The following FBXO33 variants were observed in gnomAD, a reference collection of about 807,000 sequenced individuals.
FBXO33 encodes F-box protein 33.
A neutral mutation model predicts 46.3 loss-of-function variants in FBXO33; 22 were observed. That is an observed-to-expected ratio of 0.48 (90% CI 0.34 to 0.68). FBXO33 has a LOEUF of 0.68. Ranked by LOEUF, FBXO33 falls within the 30% of genes least tolerant of loss-of-function variation. The probability of loss-of-function intolerance (pLI) is 0.01; values close to 1 mark genes in which losing one functional copy is unlikely to be tolerated. For synonymous variants in FBXO33, 337 were observed against 291.3 expected (o/e 1.16, Z -1.60); for missense variants, 692 against 708.8 (o/e 0.98, Z 0.27).
At chr14:39,403,909 CT>C (rs1293484457) in intron 1 of FBXO33, among the ~76,000 whole-genome samples, 1 of 151,716 alleles carries the variant, frequency 6.6e-6, no homozygotes, top group Non-Finnish European at 1.5e-5. Flanking sequence ...TTAAGTGATC[CT>C]TCCAGCTCAG....
chr14:39,415,518 A>G (rs773594310), intron 1 of FBXO33, among the ~76,000 whole-genome samples: 39 of 152,210 alleles, frequency 2.6e-4, no homozygotes, highest in Non-Finnish European at 5.1e-4. Flanking sequence ...ACCATGTGGT[A>G]TATATAATAG....
chr14:39,416,193 G>A (rs901493368), intron 1 of FBXO33, among the ~76,000 whole-genome samples: 1 of 151,880 alleles, frequency 6.6e-6, no homozygotes, highest in African/African-American at 2.4e-5. Flanking sequence ...CTGTTTATCT[G>A]GTAAAATCTT....
At chr14:39,410,238 A>G (rs758417567) in intron 1 of FBXO33, among the ~76,000 whole-genome samples, 7 of 152,294 alleles carry the variant, frequency 4.6e-5, no homozygotes, top group Middle Eastern at 3.4e-3. Flanking sequence ...TTTGAGTGCT[A>G]TATCATGAAA....
At position 39,428,228 on chromosome 14, in the gene FBXO33, C is replaced by T. The variant is rs547448556; in HGVS notation, c.599+3336G>A. Among the ~76,000 whole-genome samples the T allele has an allele frequency of 3.3e-5, 5 of 151,960 alleles. No homozygotes were observed. In the South Asian group the frequency reaches 6.2e-4, roughly 19 times the overall value. ...TTTTTTTTTAAATTTTTTTTTGAGA[C>T]GGAGTCTGGCTCTGTCACCCAGGAT... On this transcript the variant is annotated intron_variant, in intron 1 of 3. Transcript: ENST00000298097.
intron 1 of FBXO33, among the ~76,000 whole-genome samples, chr14:39,416,782 C>T (rs372731072): frequency 2.1e-4 from 32 of 152,178 alleles, no homozygotes; most frequent in East Asian, 9.7e-4. Context: ...ACTCAGTGAG[C>T]TTCTTTAAGA....
At position 39,418,729 on chromosome 14, in the gene FBXO33, C is replaced by T. The variant is rs529875641; in HGVS notation, c.599+12835G>A. ...GGCAGAGGTTGCAGTGAGCCGAGATCGCGCCACTGCACTCCAGCCTGGGTG... is the reference window on the plus strand; with the variant it reads ...GGCAGAGGTTGCAGTGAGCCGAGATTGCGCCACTGCACTCCAGCCTGGGTG... On this transcript the variant is annotated intron_variant, in intron 1 of 3. Transcript: ENST00000298097. Among the ~76,000 whole-genome samples the T allele has an allele frequency of 8.7e-5, 13 of 148,794 alleles. No individual in the cohort carries two copies. The South Asian group carries it at 1.5e-3, about 17-fold the overall frequency.
At chr14:39,403,908 C>T (rs1567072894) in intron 1 of FBXO33, among the ~76,000 whole-genome samples, 1 of 151,424 alleles carries the variant, frequency 6.6e-6, no homozygotes, top group East Asian at 1.9e-4. Flanking sequence ...CTTAAGTGAT[C>T]CTTCCAGCTC....
In FBXO33 at chr14:39,431,608, G is replaced by A; in HGVS notation, c.555C>T (p.Tyr185=). 1 of 1,613,510 alleles carries A rather than the reference G, an allele frequency of 6.2e-7. No homozygotes were observed. Among genetic ancestry groups the A allele is most frequent in the Non-Finnish European group, 8.5e-7 (1 of 1,180,020 alleles). The change falls in exon 1 of 4, where the codon TAC becomes TAT. Residue 185 remains tyrosine (Y), a synonymous_variant. Coordinates refer to ENST00000298097, the MANE Select transcript of FBXO33 (RefSeq NM_203301.4). ...SARWLEVLRT[Y]LELVLCVLVS... is the part of the protein sequence containing the mutation. ...CCAGCACGCAAAGCACCAGCTCCAA[G>A]TAGGTGCGCAGCACTTCCAGCCAAC...
In FBXO33 at chr14:39,401,752, T is replaced by G; in HGVS notation, c.820A>C (p.Asn274His). The change falls in exon 3 of 4, where the codon AAT (asparagine) becomes CAT (histidine). Residue 274 changes from asparagine (N) to histidine (H), a missense_variant. By Grantham distance (68) the Asn-to-His change is moderately conservative. Around this residue, in one of 3 missense-constraint regions of FBXO33, gnomAD observed 412 missense variants for 370.8 expected, o/e 1.11. Transcript: ENST00000298097. ...TGCTCCATGGTGTTGGCAACAGCAT[T>G]AGAGAGAGATGACAGTGATGTTGGG... ...VTPTSLSSLS[N>H]AVANTMEHLS... 3 of 1,614,130 alleles carry G rather than the reference T, an allele frequency of 1.9e-6. No homozygotes were observed. Among genetic ancestry groups the G allele is most frequent in the Admixed American group, 1.7e-5 (1 of 60,020 alleles).
At position 39,401,695 on chromosome 14, in the gene FBXO33, T is replaced by TA; in HGVS notation, c.876dup (p.Asn293Ter). On this transcript the variant is annotated frameshift_variant, in exon 3 of 4. Transcript: ENST00000298097. LOFTEE classifies it high-confidence loss of function. The stretch of plus-strand genomic sequence containing the variant: ...TCAACTGCAGTAATAAGAGTGCTGT[T>TA]ACCAGGAATATTATTGTCCAGTAAA... 6.2e-7 allele frequency: 1 copy of TA among 1,614,244 alleles called. No individual in the cohort carries two copies. Among genetic ancestry groups the TA allele is most frequent in the Non-Finnish European group, 8.5e-7 (1 of 1,180,048 alleles).
intron 1 of FBXO33, among the ~76,000 whole-genome samples, chr14:39,402,768 C>T (rs112508385): frequency 3.1e-4 from 47 of 150,802 alleles, no homozygotes; most frequent in Non-Finnish European, 5.6e-4. Context: ...CTGCAGGCTC[C>T]GCCTCCCGGG....
At chr14:39,411,821 C>A (rs559042449) in intron 1 of FBXO33, among the ~76,000 whole-genome samples, 21 of 152,278 alleles carry the variant, frequency 1.4e-4, no homozygotes, top group Admixed American at 5.2e-4. Context: ...GGCACCTGGC[C>A]TTGACTTCCC....
At chr14:39,416,616 T>A (rs763383680) in intron 1 of FBXO33, among the ~76,000 whole-genome samples, 1 of 152,136 alleles carries the variant, frequency 6.6e-6, no homozygotes, top group Non-Finnish European at 1.5e-5. Flanking sequence ...TGTCAGCTGC[T>A]TATTGAACTC....
intron 1 of FBXO33, among the ~76,000 whole-genome samples, chr14:39,419,482 TAA>T (rs2075469547): frequency 6.6e-6 from 1 of 152,192 alleles, no homozygotes; most frequent in Non-Finnish European, 1.5e-5. Context: ...TTTCAGATAG[TAA>T]AGAGACTGAG....
rs773671339 is a variant in FBXO33, at chr14:39,401,200, T to C, written c.1372A>G (p.Lys458Glu). 6.3e-7 allele frequency: 1 copy of C among 1,598,148 alleles called. No individual in the cohort carries two copies. Among genetic ancestry groups the C allele is most frequent in the Non-Finnish European group, 8.5e-7 (1 of 1,173,392 alleles). Residue 458 changes from lysine (K) to glutamate (E), a missense_variant, in exon 3 of 4, where the codon AAG (lysine) becomes GAG (glutamate). By Grantham distance (56) the Lys-to-Glu change is moderately conservative. This residue lies in a region of FBXO33 where 186 missense variants were observed against 246.1 expected (regional missense o/e 0.76). Transcript: ENST00000298097. ...CCATGAATTGCCAGAAGAGAGAGCT[T>C]TGTGCACCTCCATGCTAATAAAACC... is the stretch of plus-strand genomic sequence containing the variant. The part of the protein sequence containing the change: ...PLVLLAWRCT[K>E]LSLLAIHGYT...
rs2075355547 is a variant in FBXO33 at position 39,398,807 on chromosome 14, A to C, written c.*709T>G. The C allele has an allele frequency of 6.6e-6, 1 of 152,370 alleles. No homozygotes were observed. Among genetic ancestry groups the C allele is most frequent in the African/African-American group, 2.4e-5 (1 of 41,452 alleles). 9.4% of individuals were successfully genotyped at this position (152,370 alleles called of 1,614,324 possible). On this transcript the variant is annotated 3_prime_UTR_variant, in exon 4 of 4. Coordinates refer to ENST00000298097, the MANE Select transcript of FBXO33 (RefSeq NM_203301.4). ...GTTTCTTTCTTCCCCCACTATTTGA[A>C]ATCTGGGCTAAATGAATGTGTAATG...
intron 1 of FBXO33, among the ~76,000 whole-genome samples, chr14:39,430,530 C>T (rs2075538240): frequency 6.6e-6 from 1 of 152,118 alleles, no homozygotes; most frequent in South Asian, 2.1e-4. Context: ...TCACTTGATC[C>T]TATAAAGGGT....
At chr14:39,417,240 A>T (rs888934752) in intron 1 of FBXO33, among the ~76,000 whole-genome samples, 16 of 152,226 alleles carry the variant, frequency 1.1e-4, no homozygotes, top group Non-Finnish European at 2.2e-4. Flanking sequence ...TCTGGGCTCT[A>T]TCAGTTTTTC....
At chr14:39,418,951 G>A (rs780158833) in intron 1 of FBXO33, among the ~76,000 whole-genome samples, 1 of 152,128 alleles carries the variant, frequency 6.6e-6, no homozygotes, top group Non-Finnish European at 1.5e-5. Context: ...GCAACAAAAT[G>A]GTAATAATCC....
Sources: gnomAD v4.1 joint callset for allele counts (sites outside exome capture counted in the v4.1 genomes callset) on GRCh38, gnomAD v4.1.1 for gene constraint, gnomAD v4.1.1 regional missense constraint, MANE v1.5 for transcripts, NCBI Gene and HGNC (gene_info 2026-07-23, HGNC 2026-07-21) for gene names.